MACF1: variants seen among roughly 807,000 people sequenced by gnomAD.
The protein encoded by MACF1 is microtubule actin crosslinking factor 1, also known as microtubule-actin cross-linking factor 1.
In MACF1, 193 loss-of-function variants were observed where a neutral mutation model predicts 854.8. That is an observed-to-expected ratio of 0.23 (90% CI 0.20 to 0.25). The LOEUF is 0.25. Among genes scored for constraint, MACF1 ranks in the 10% least tolerant of loss-of-function variants. The probability of loss-of-function intolerance (pLI) is 1.00; values close to 1 mark genes in which losing one functional copy is unlikely to be tolerated. For missense variants in MACF1, 7,722 were observed against 8,929.1 expected, an observed-to-expected ratio of 0.86 and a Z score of 5.45; for synonymous variants, 3,185 against 3,226.7, an observed-to-expected ratio of 0.99 and a Z score of 0.44.
intron 54 of MACF1, among the ~76,000 whole-genome samples, chr1:39,379,950 A>T (rs592264): frequency 0.041 from 6,231 of 152,252 alleles, 343 homozygotes; most frequent in African/African-American, 0.12. Flanking sequence ...CTCCTTCAAG[A>T]TATGTTATCA....
chr1:39,463,549 G>C, intron 93 of MACF1, 63 bp from the exon 94 acceptor site: 2 of 1,149,074 alleles, frequency 1.7e-6, no homozygotes, highest in Non-Finnish European at 2.6e-6. Context: ...AAAAATCTTT[G>C]TTTCTCTGAA....
rs1260598166 is a variant in MACF1 at position 39,353,223 on chromosome 1, A to T, written c.11416A>T (p.Met3806Leu). The T allele has an allele frequency of 6.2e-7, 1 of 1,603,206 alleles. No homozygotes were observed. Among genetic ancestry groups the T allele is most frequent in the African/African-American group, 1.3e-5 (1 of 74,730 alleles). The change falls in exon 44 of 101, where the codon ATG (methionine) becomes TTG (leucine). Residue 3806 changes from methionine (M) to leucine (L), a missense_variant. Met to Leu is a conservative substitution (Grantham distance 15). Coordinates refer to ENST00000564288, the MANE Select transcript of MACF1 (RefSeq NM_001394062.1). ...APEKLDKQCE[M>L]MKARHQELLS... Reference sequence around the variant, plus strand: ...AGAGAAACTGGACAAGCAATGTGAGATGATGAAGGTAAGGGTGTTAGCTTA... The same window carrying T: ...AGAGAAACTGGACAAGCAATGTGAGTTGATGAAGGTAAGGGTGTTAGCTTA...
At chr1:39,143,143 T>A (rs1383855527) in intron 2 of MACF1, among the ~76,000 whole-genome samples, 1 of 152,230 alleles carries the variant, frequency 6.6e-6, no homozygotes, top group Non-Finnish European at 1.5e-5. Context: ...TCTAGATGCT[T>A]ATCAAGATAG....
chr1:39,251,769 C>T, intron 3 of MACF1, 77 bp from the exon 4 acceptor site: 1 of 754,290 alleles, frequency 1.3e-6, no homozygotes, highest in Non-Finnish European at 1.9e-6. Context: ...TTAAGTGTTG[C>T]ATTCATTTCC....
chr1:39,361,700 A>G (rs1194933534), intron 49 of MACF1, 23 bp downstream of exon 49: 4 of 1,610,170 alleles, frequency 2.5e-6, no homozygotes, highest in Admixed American at 1.7e-5. Flanking sequence ...CTGCCATGTT[A>G]GCAGAATAAA....
At chr1:39,184,203 G>A (rs945562456) in intron 2 of MACF1, among the ~76,000 whole-genome samples, 3 of 152,160 alleles carry the variant, frequency 2.0e-5, no homozygotes, top group Non-Finnish European at 4.4e-5. Context: ...TACTGTGTTT[G>A]TATCTGGGTG....
chr1:39,392,824 G>C (rs1642087823), intron 58 of MACF1, among the ~76,000 whole-genome samples: 1 of 152,122 alleles, frequency 6.6e-6, no homozygotes, highest in African/African-American at 2.4e-5. Flanking sequence ...GTCCTCACTG[G>C]CAGACCAGAT....
At chr1:39,140,880 A>C (rs370396676) in intron 2 of MACF1, among the ~76,000 whole-genome samples, 9 of 124,114 alleles carry the variant, frequency 7.3e-5, no homozygotes, top group African/African-American at 2.8e-4. Flanking sequence ...GCACCACTGC[A>C]CTCCAGCCTG....
In MACF1 at chr1:39,484,621, C is replaced by T. The variant is rs140592136; in HGVS notation, c.22302C>T (p.Ser7434=). The part of the protein sequence containing the change: ...PTPEVIPSSG[S]KLKRPTPTFH... ...TTAAGGTTATCCCATCATCAGGTAG[C>T]AAGTTGAAACGACCAACACCAACTT... The change falls in exon 100 of 101, where the codon AGC becomes AGT. Residue 7434 remains serine (S), a synonymous_variant. Coordinates refer to ENST00000564288, the MANE Select transcript of MACF1 (RefSeq NM_001394062.1). 96 of 1,613,646 alleles carry T rather than the reference C, an allele frequency of 5.9e-5. No homozygotes were observed. In the African/African-American group the frequency reaches 1.2e-3, roughly 21 times the overall value.
intron 97 of MACF1, among the ~76,000 whole-genome samples, chr1:39,472,505 G>T (rs1323491857): frequency 6.6e-6 from 1 of 151,976 alleles, no homozygotes; most frequent in African/African-American, 2.4e-5. Flanking sequence ...CTTAAAATTG[G>T]CCGCTTTAAG....
chr1:39,135,693 T>C (rs565552703), intron 2 of MACF1, among the ~76,000 whole-genome samples: 1 of 152,288 alleles, frequency 6.6e-6, no homozygotes, highest in East Asian at 1.9e-4. Flanking sequence ...AGGAGTCTGA[T>C]GAATGATGGA....
chr1:39,423,891 C>T (rs767669021), intron 60 of MACF1, 137 bp from the exon 61 acceptor site: 18 of 623,142 alleles, frequency 2.9e-5, no homozygotes, highest in Non-Finnish European at 4.9e-5. Flanking sequence ...CTGTTTTTGC[C>T]CCAAGGATGA....
chr1:39,309,276 T>A (rs1052972866), intron 23 of MACF1, among the ~76,000 whole-genome samples: 4 of 151,940 alleles, frequency 2.6e-5, no homozygotes, highest in East Asian at 3.9e-4. Flanking sequence ...TTTTTTTTTT[T>A]AAATAGAGAT....
At chr1:39,390,309 G>A (rs530448778) in intron 58 of MACF1, among the ~76,000 whole-genome samples, 33 of 152,238 alleles carry the variant, frequency 2.2e-4, no homozygotes, top group Admixed American at 2.0e-4. Flanking sequence ...AAACATGGAT[G>A]CAGAGGTAAT....
rs1644119143 is a variant in MACF1 at position 39,182,584 on chromosome 1, C to T, written c.221-48598C>T. Among the ~76,000 whole-genome samples the T allele has an allele frequency of 1.3e-5, 2 of 152,004 alleles. 1 individual carries two copies. The highest frequency in any genetic ancestry group is 4.2e-4 in the South Asian group (2 of 4,818). On this transcript the variant is annotated intron_variant, in intron 2 of 93. Coordinates refer to the MACF1 transcript ENST00000361689. ...TTCTTCAAAGAAGATATACAAATGG[C>T]TAATAAGCACATGAAAAGATGCTTA...
chr1:39,304,720 T>C (rs1646133281), intron 23 of MACF1: 1 of 362,068 alleles, frequency 2.8e-6, no homozygotes, highest in Non-Finnish European at 5.2e-6. Context: ...CCCGTCACCA[T>C]GCCCTGCTAA....
intron 6 of MACF1, among the ~76,000 whole-genome samples, chr1:39,274,649 A>G (rs1219621698): frequency 1.3e-5 from 2 of 152,204 alleles, no homozygotes; most frequent in Non-Finnish European, 2.9e-5. Context: ...TCCTAGAACC[A>G]ATTCTCCATG....
intron 41 of MACF1, 83 bp downstream of exon 41, chr1:39,347,293 C>G (rs572365630): frequency 1.9e-6 from 2 of 1,041,562 alleles, no homozygotes; most frequent in Non-Finnish European, 2.9e-6. Flanking sequence ...CTCTGTGTAT[C>G]ATGATTGCAG....
chr1:39,330,064 A>T (rs1646691017), intron 36 of MACF1, among the ~76,000 whole-genome samples: 1 of 152,268 alleles, frequency 6.6e-6, no homozygotes, highest in African/African-American at 2.4e-5. Flanking sequence ...AATTGTTTTC[A>T]TAGGATTACT....
Sources: allele counts gnomAD v4.1 joint callset (sites outside exome capture counted in the v4.1 genomes callset), GRCh38; gene constraint gnomAD v4.1.1; transcripts MANE v1.5; gene names NCBI Gene and HGNC (gene_info 2026-07-23, HGNC 2026-07-21).